The following TBC1D5 variants were observed in gnomAD, a reference collection of about 807,000 sequenced individuals.
TBC1D5 encodes the protein TBC1 domain family member 5.
Under a neutral mutation model 100.3 loss-of-function variants are expected in TBC1D5, and 75 were observed. The ratio of observed to expected loss-of-function variants is 0.75; its 90% CI spans 0.62 to 0.91. The LOEUF (loss-of-function observed/expected upper bound fraction) is 0.91, where lower values mean the gene tolerates loss of function less well. Ranked by LOEUF, TBC1D5 falls within the 40% of genes least tolerant of loss-of-function variation. The pLI, the probability that TBC1D5 is intolerant of heterozygous loss-of-function variation, is 0.00. For synonymous variants in TBC1D5, 323 were observed against 325.6 expected, an observed-to-expected ratio of 0.99 and a Z score of 0.09; for missense variants, 910 against 942.4, an observed-to-expected ratio of 0.97 and a Z score of 0.45.
At chr3:17,294,134 T>A (rs1430506639) in intron 14 of TBC1D5, among the ~76,000 whole-genome samples, 1 of 152,258 alleles carries the variant, frequency 6.6e-6, no homozygotes, top group Non-Finnish European at 1.5e-5. Context: ...TGAAGCAGTT[T>A]TAAGTATACT....
intron 2 of TBC1D5, among the ~76,000 whole-genome samples, chr3:17,619,881 T>C (rs1188587012): frequency 6.6e-6 from 1 of 152,222 alleles, no homozygotes; most frequent in Non-Finnish European, 1.5e-5. Context: ...AAATATCCTA[T>C]GGAAAGTTGC....
chr3:17,341,077 A>G (rs550848147), intron 13 of TBC1D5, among the ~76,000 whole-genome samples: 3 of 152,352 alleles, frequency 2.0e-5, no homozygotes, highest in Admixed American at 1.3e-4. Flanking sequence ...TATTTTCTGC[A>G]TATTATAAAA....
intron 16 of TBC1D5, among the ~76,000 whole-genome samples, chr3:17,252,523 A>G (rs2077261658): frequency 6.6e-6 from 1 of 152,150 alleles, no homozygotes; most frequent in African/African-American, 2.4e-5. Context: ...GGAAAAGAAG[A>G]TTCTTACTAG....
chr3:17,467,060 G>A (rs1267996887), intron 3 of TBC1D5, among the ~76,000 whole-genome samples: 2 of 151,820 alleles, frequency 1.3e-5, no homozygotes, highest in Non-Finnish European at 1.5e-5. Flanking sequence ...TGATTTCTAC[G>A]TCTACTCTTA....
At chr3:17,660,257 C>A (rs989046481) in intron 1 of TBC1D5, among the ~76,000 whole-genome samples, 3 of 152,156 alleles carry the variant, frequency 2.0e-5, no homozygotes, top group African/African-American at 7.2e-5. Flanking sequence ...AAACTAAAAT[C>A]TTGATCAAGG....
chr3:17,480,485 T>C (rs1210694255), intron 3 of TBC1D5, among the ~76,000 whole-genome samples: 1 of 152,082 alleles, frequency 6.6e-6, no homozygotes, highest in Non-Finnish European at 1.5e-5. Context: ...TCTGAGCCCA[T>C]AAAAACCCTG....
intron 2 of TBC1D5, among the ~76,000 whole-genome samples, chr3:17,513,209 G>A (rs140064408): frequency 3.7e-4 from 57 of 152,168 alleles, no homozygotes; most frequent in African/African-American, 1.3e-3. Context: ...ATGCGTGCCT[G>A]TAGTCCCAGC....
chr3:17,261,210 A>C (rs2078248582), intron 15 of TBC1D5, among the ~76,000 whole-genome samples: 1 of 152,258 alleles, frequency 6.6e-6, no homozygotes, highest in South Asian at 2.1e-4. Context: ...CTATTAAATA[A>C]GGTTTTAAAA....
intron 13 of TBC1D5, among the ~76,000 whole-genome samples, chr3:17,340,865 C>G (rs1343857497): frequency 6.6e-6 from 1 of 152,156 alleles, no homozygotes; most frequent in Non-Finnish European, 1.5e-5. Flanking sequence ...ATCTAGAAAT[C>G]TTCTATCAGT....
chr3:17,257,410 T>C (rs1185179034), intron 16 of TBC1D5, among the ~76,000 whole-genome samples: 6 of 152,180 alleles, frequency 3.9e-5, no homozygotes, highest in African/African-American at 1.2e-4. Flanking sequence ...TAAAACTCTG[T>C]TGAATGATCA....
chr3:17,416,578 G>T (rs2094079071), intron 4 of TBC1D5, among the ~76,000 whole-genome samples: 1 of 152,062 alleles, frequency 6.6e-6, no homozygotes, highest in Admixed American at 6.5e-5. Flanking sequence ...TAATACATGT[G>T]GTTAAATAAG....
intron 2 of TBC1D5, among the ~76,000 whole-genome samples, chr3:17,581,493 C>T (rs2153535176): frequency 6.6e-6 from 1 of 152,148 alleles, no homozygotes; most frequent in East Asian, 1.9e-4. Context: ...CAGAAATGTA[C>T]TCCTTTTATA....
intron 1 of TBC1D5, among the ~76,000 whole-genome samples, chr3:17,625,599 T>C (rs1177232725): frequency 2.0e-5 from 3 of 152,150 alleles, no homozygotes; most frequent in Non-Finnish European, 2.9e-5. Context: ...ATAATGTTCC[T>C]AACTATAACA....
intron 2 of TBC1D5, among the ~76,000 whole-genome samples, chr3:17,615,117 C>T (rs2062034430): frequency 6.6e-6 from 1 of 152,098 alleles, no homozygotes; most frequent in African/African-American, 2.4e-5. Context: ...CTGTTGAAGG[C>T]CTTTTCTGCA....
intron 18 of TBC1D5, among the ~76,000 whole-genome samples, chr3:17,201,175 A>C (rs1237932358): frequency 6.6e-6 from 1 of 152,128 alleles, no homozygotes; most frequent in Non-Finnish European, 1.5e-5. Context: ...AGGGCCTTCA[A>C]GAACTTAAAG....
intron 16 of TBC1D5, among the ~76,000 whole-genome samples, chr3:17,242,291 T>C (rs1207320517): frequency 6.6e-6 from 1 of 152,182 alleles, no homozygotes; most frequent in Non-Finnish European, 1.5e-5. Flanking sequence ...TGGATCTAAA[T>C]ATTTACAAAA....
At chr3:17,303,654 C>T (rs558430849) in intron 14 of TBC1D5, among the ~76,000 whole-genome samples, 1 of 152,228 alleles carries the variant, frequency 6.6e-6, no homozygotes, top group East Asian at 1.9e-4. Flanking sequence ...ATTTAGCTTT[C>T]TCATGCTCTA....
chr3:17,559,585 A>C (rs1320921246), intron 2 of TBC1D5, among the ~76,000 whole-genome samples: 1 of 148,362 alleles, frequency 6.7e-6, no homozygotes, highest in Non-Finnish European at 1.5e-5. Flanking sequence ...ACCACAATAC[A>C]AATCTAGAAT....
intron 1 of TBC1D5, among the ~76,000 whole-genome samples, chr3:17,639,276 C>T (rs1172163836): frequency 6.6e-6 from 1 of 151,920 alleles, no homozygotes; most frequent in African/African-American, 2.4e-5. Context: ...CACCACAGAC[C>T]AAATATTATA....
Sources: allele counts gnomAD v4.1 joint callset (sites outside exome capture counted in the v4.1 genomes callset), GRCh38; gene constraint gnomAD v4.1.1; transcripts MANE v1.5; gene names NCBI Gene and HGNC (gene_info 2026-07-23, HGNC 2026-07-21).